The following RPS6KC1 variants were observed in gnomAD, a reference collection of about 807,000 sequenced individuals.
RPS6KC1 encodes ribosomal protein S6 kinase C1, also known as inactive ribosomal protein S6 kinase delta-1.
RPS6KC1 carries 54 observed loss-of-function variants against 103.8 expected under a neutral mutation model. The ratio of observed to expected loss-of-function variants is 0.52; its 90% CI spans 0.42 to 0.65. RPS6KC1 has a LOEUF of 0.65. RPS6KC1 is among the 30% of genes least tolerant of loss of function. The pLI, the probability that RPS6KC1 is intolerant of heterozygous loss-of-function variation, is 0.00. For missense variants in RPS6KC1, 1,151 were observed against 1,253.8 expected (o/e 0.92, Z 1.24); for synonymous variants, 439 against 438.7 (o/e 1.00, Z -0.01).
chr1:213,817,017 A>G, the RPS6KC1 span, among the ~76,000 whole-genome samples: 1 of 152,190 alleles, frequency 6.6e-6, no homozygotes, highest in Non-Finnish European at 1.5e-5. Flanking sequence ...AGTAAATAGA[A>G]AGAGATGTTA....
rs773415996 is a variant in RPS6KC1 at position 213,262,859 on chromosome 1, A to G, written c.3090+43A>G. The G allele has an allele frequency of 3.1e-5, 36 of 1,150,896 alleles. 1 individual carries two copies. In the East Asian group the frequency reaches 8.4e-4, roughly 27 times the overall value. 71.3% of individuals were successfully genotyped at this position (1,150,896 alleles called of 1,614,324 possible). Reference sequence around the variant, plus strand: ...TTGGCCAGGTTTATCAACCATGCAGATTAGCAGAGCCCACAACTCCAAAAC... The same window carrying G: ...TTGGCCAGGTTTATCAACCATGCAGGTTAGCAGAGCCCACAACTCCAAAAC... On this transcript the variant is annotated intron_variant, in intron 14 of 14. Transcript: ENST00000366960.
chr1:213,272,514 CTT>C lies in RPS6KC1; in HGVS notation c.3091-4_3091-3del, dbSNP rs745439727. ...GATTCCTGTTACTCACTAAGTCCGTCTTTTTTTAGCTCTTGCAGTTCAATCCT... is the reference window on the plus strand; with the variant it reads ...GATTCCTGTTACTCACTAAGTCCGTCTTTTTAGCTCTTGCAGTTCAATCCT... On this transcript the variant is annotated splice_polypyrimidine_tract_variant and splice_region_variant and intron_variant, in intron 14 of 14. Coordinates refer to ENST00000366960, the MANE Select transcript of RPS6KC1 (RefSeq NM_012424.6). 5 of 1,608,422 alleles carry C rather than the reference CTT, an allele frequency of 3.1e-6. No individual in the cohort carries two copies. The South Asian group carries it at 4.4e-5, about 14-fold the overall frequency.
At chr1:213,340,694 C>A in the RPS6KC1 span, among the ~76,000 whole-genome samples, 7 of 152,260 alleles carry the variant, frequency 4.6e-5, no homozygotes, top group Non-Finnish European at 5.9e-5. Flanking sequence ...ATGCAAATGG[C>A]AAATCTTTCA....
intron 8 of RPS6KC1, among the ~76,000 whole-genome samples, chr1:213,222,080 C>G (rs2093847572): frequency 6.6e-6 from 1 of 152,160 alleles, no homozygotes; most frequent in Admixed American, 6.5e-5. Context: ...GAAATTGATG[C>G]AGCGACTTCT....
At chr1:213,523,943 G>T in the RPS6KC1 span, among the ~76,000 whole-genome samples, 1 of 152,148 alleles carries the variant, frequency 6.6e-6, no homozygotes, top group African/African-American at 2.4e-5. Context: ...GCAGGCAGAG[G>T]AGACGGCTTG....
the RPS6KC1 span, among the ~76,000 whole-genome samples, chr1:213,313,335 T>A: frequency 2.0e-5 from 3 of 150,890 alleles, no homozygotes; most frequent in Non-Finnish European, 4.4e-5. Flanking sequence ...TCAGTTGAGG[T>A]GTGTGGGTTT....
the RPS6KC1 span, among the ~76,000 whole-genome samples, chr1:213,522,001 AT>A: frequency 6.6e-6 from 1 of 152,242 alleles, no homozygotes; most frequent in African/African-American, 2.4e-5. Context: ...TTCTAGAATG[AT>A]GAATCCTTTC....
chr1:213,652,150 G>A, the RPS6KC1 span, among the ~76,000 whole-genome samples: 8 of 152,088 alleles, frequency 5.3e-5, no homozygotes, highest in African/African-American at 1.9e-4. Context: ...ATTTATTGAT[G>A]AATGTCTTTT....
chr1:213,804,538 G>T, the RPS6KC1 span, among the ~76,000 whole-genome samples: 1 of 152,076 alleles, frequency 6.6e-6, no homozygotes, highest in Non-Finnish European at 1.5e-5. Flanking sequence ...TTCTCAGTGC[G>T]GCCTCTCTGC....
chr1:213,589,747 C>G, the RPS6KC1 span, among the ~76,000 whole-genome samples: 1 of 152,040 alleles, frequency 6.6e-6, no homozygotes, highest in Non-Finnish European at 1.5e-5. Context: ...TTGTACCACC[C>G]ATTAACCTTC....
chr1:213,632,897 G>T, the RPS6KC1 span, among the ~76,000 whole-genome samples: 1 of 152,154 alleles, frequency 6.6e-6, no homozygotes, highest in Non-Finnish European at 1.5e-5. Context: ...ACTACGTGAC[G>T]CATGCACAAG....
At chr1:213,780,068 T>G in the RPS6KC1 span, among the ~76,000 whole-genome samples, 6 of 152,264 alleles carry the variant, frequency 3.9e-5, no homozygotes, top group East Asian at 1.2e-3. Flanking sequence ...CATTTACATG[T>G]AAATTTACTA....
At chr1:213,128,197 A>G (rs932922658) in intron 5 of RPS6KC1, among the ~76,000 whole-genome samples, 4 of 152,244 alleles carry the variant, frequency 2.6e-5, no homozygotes, top group African/African-American at 7.2e-5. Flanking sequence ...ATGAGATTCT[A>G]GCTATCTGCT....
At chr1:213,470,103 A>G in the RPS6KC1 span, among the ~76,000 whole-genome samples, 1 of 152,262 alleles carries the variant, frequency 6.6e-6, no homozygotes, top group South Asian at 2.1e-4. Context: ...GCCAGTCAGC[A>G]TTCAAATTTC....
chr1:213,597,053 CAAG>C, the RPS6KC1 span, among the ~76,000 whole-genome samples: 5 of 152,194 alleles, frequency 3.3e-5, no homozygotes, highest in Non-Finnish European at 5.9e-5. Flanking sequence ...GACTGTGCGC[CAAG>C]GAGGATGGCA....
the RPS6KC1 span, among the ~76,000 whole-genome samples, chr1:213,316,235 C>G: frequency 6.6e-6 from 1 of 152,214 alleles, no homozygotes; most frequent in Non-Finnish European, 1.5e-5. Context: ...GCCTGCTTCC[C>G]CTTCTGCCAT....
At chr1:213,521,336 TTTAA>T in the RPS6KC1 span, among the ~76,000 whole-genome samples, 1 of 152,228 alleles carries the variant, frequency 6.6e-6, no homozygotes, top group African/African-American at 2.4e-5. Context: ...ATGCACAAAC[TTTAA>T]TTAAAAAATA....
chr1:213,705,307 T>C, the RPS6KC1 span, among the ~76,000 whole-genome samples: 8 of 152,322 alleles, frequency 5.3e-5, no homozygotes, highest in South Asian at 6.2e-4. Flanking sequence ...TCTGTTGCAC[T>C]GCAGTTGAAC....
chr1:213,119,877 AGC>A lies in RPS6KC1; in HGVS notation c.472+2468_472+2469del, dbSNP rs549838568. On this transcript the variant is annotated intron_variant, in intron 5 of 14. Transcript: ENST00000366960. Reference sequence around the variant, plus strand: ...GGAGACACAACCTAAAGCTAGGGTGAGCATGTAGTTTATTCTCCAAACTGGGA... The same window carrying A: ...GGAGACACAACCTAAAGCTAGGGTGAATGTAGTTTATTCTCCAAACTGGGA... Among the ~76,000 whole-genome samples, 1,400 of 152,268 alleles carry A rather than the reference AGC, an allele frequency of 9.2e-3. 41 individuals carry two copies. The highest frequency in any genetic ancestry group is 0.068 in the East Asian group (353 of 5,168).
Sources: allele counts gnomAD v4.1 joint callset (sites outside exome capture counted in the v4.1 genomes callset), GRCh38; gene constraint gnomAD v4.1.1; transcripts MANE v1.5; gene names NCBI Gene and HGNC (gene_info 2026-07-23, HGNC 2026-07-21).